The following CAPN2 variants were observed in gnomAD, a reference collection of about 807,000 sequenced individuals.
CAPN2 encodes calpain-2 catalytic subunit.
A neutral mutation model predicts 102.3 loss-of-function variants in CAPN2; 92 were observed. That is an observed-to-expected ratio of 0.90 (90% CI 0.76 to 1.07). CAPN2 has a LOEUF of 1.07. CAPN2 is among the 50% of genes least tolerant of loss of function. The pLI is 0.00. For synonymous variants in CAPN2, 340 were observed against 355.4 expected, an observed-to-expected ratio of 0.96 and a Z score of 0.49; for missense variants, 800 against 909.4, an observed-to-expected ratio of 0.88 and a Z score of 1.55.
At chr1:223,749,168 A>C (rs1660825584) in intron 6 of CAPN2, 46 bp downstream of exon 6, 2 of 1,526,978 alleles carry the variant, frequency 1.3e-6, no homozygotes, top group Admixed American at 1.7e-5. Context: ...TCCTGACACG[A>C]TGGCCACAGG....
chr1:223,762,366 A>G (rs1661210074), intron 14 of CAPN2, 115 bp downstream of exon 14: 1 of 841,112 alleles, frequency 1.2e-6, no homozygotes, highest in Admixed American at 2.1e-5. Flanking sequence ...GAACAAAAGC[A>G]AAGAGAAATT....
intron 14 of CAPN2, among the ~76,000 whole-genome samples, chr1:223,763,663 A>C (rs1225411013): frequency 2.0e-5 from 3 of 152,200 alleles, no homozygotes; most frequent in Non-Finnish European, 4.4e-5. Context: ...GATAAGAGGA[A>C]TGGTATAAGA....
At chr1:223,736,576 G>T (rs1040960201) in intron 2 of CAPN2, among the ~76,000 whole-genome samples, 3 of 152,166 alleles carry the variant, frequency 2.0e-5, no homozygotes, top group African/African-American at 7.2e-5. Flanking sequence ...TGCCCTGGGT[G>T]ATTTCCTTTC....
In CAPN2 at chr1:223,726,120, G is replaced by A. The variant is rs887464985; in HGVS notation, c.307+8289G>A. ...CAGCCCAAGCAAGACTAGTAGTTCA[G>A]CTTTGTGAATCCCCTCAGGAAGTCA... On this transcript the variant is annotated intron_variant, in intron 2 of 20. Coordinates refer to ENST00000295006, the MANE Select transcript of CAPN2 (RefSeq NM_001748.5). This position sits in a 1 kb window ranked among gnomAD's most constrained non-coding sequence, Gnocchi z 4.4. Among the ~76,000 whole-genome samples, 5 of 151,982 alleles carry A rather than the reference G, an allele frequency of 3.3e-5. No homozygotes were observed. The highest frequency in any genetic ancestry group is 7.4e-5 in the Non-Finnish European group (5 of 68,026).
intron 1 of CAPN2, among the ~76,000 whole-genome samples, chr1:223,705,387 C>T (rs1558376148): frequency 1.3e-5 from 2 of 152,296 alleles, no homozygotes; most frequent in African/African-American, 2.4e-5. Context: ...ACTACATCCT[C>T]GGAAGACTGA....
In CAPN2 at chr1:223,755,868, G is replaced by GC. The variant is rs1661023338; in HGVS notation, c.1305+225dup. On this transcript the variant is annotated intron_variant, in intron 10 of 20. Coordinates refer to ENST00000295006, the MANE Select transcript of CAPN2 (RefSeq NM_001748.5). This position sits in a 1 kb window ranked among gnomAD's most constrained non-coding sequence, Gnocchi z 4.1. ...GTGGGGCCTTCTAAGCCCTTCACGG[G>GC]CCCCCCACAGCCAGCCTGCAGGGAG... Among the ~76,000 whole-genome samples the GC allele has an allele frequency of 6.6e-6, 1 of 152,184 alleles. No individual in the cohort carries two copies. The highest frequency in any genetic ancestry group is 2.4e-5 in the African/African-American group (1 of 41,442).
Position 223,764,093 on chromosome 1 carries a change from G to A in CAPN2, c.1633-57G>A. The A allele has an allele frequency of 1.1e-5, 16 of 1,401,856 alleles. No individual in the cohort carries two copies. The South Asian group carries it at 1.7e-4, about 15-fold the overall frequency. The allele number at this position is 1,401,856 out of a possible 1,614,324, so 86.8% of individuals were successfully genotyped here. On this transcript the variant is annotated intron_variant, in intron 14 of 20. Coordinates refer to ENST00000295006, the MANE Select transcript of CAPN2 (RefSeq NM_001748.5). Reference sequence around the variant, plus strand: ...ACCTAATGCACTGGTGTCCTGCCCTGTGCTCATCCAGCTCCCACGGGGGGC... The same window carrying A: ...ACCTAATGCACTGGTGTCCTGCCCTATGCTCATCCAGCTCCCACGGGGGGC...
intron 13 of CAPN2, 175 bp downstream of exon 13, chr1:223,761,792 G>T (rs1016878671): frequency 1.7e-6 from 1 of 589,284 alleles, no homozygotes; most frequent in Admixed American, 2.9e-5. Context: ...CTCTGTGCTG[G>T]GGGCATGGGC....
rs1293188049 is a variant in CAPN2, at chr1:223,756,489, G to A, written c.1305+840G>A. ...GAGGTCCTTCAGCAGCCTGAAAAAT[G>A]GCCCTGGCAGGGACCTGTTTACACC... On this transcript the variant is annotated intron_variant, in intron 10 of 20. Coordinates refer to ENST00000295006, the MANE Select transcript of CAPN2 (RefSeq NM_001748.5). The surrounding 1 kb of genome is among the most constrained non-coding windows in gnomAD (Gnocchi z 4.1). 1.3e-5 allele frequency among the ~76,000 whole-genome samples: 2 copies of A among 152,158 alleles called. No individual in the cohort carries two copies. Among genetic ancestry groups the A allele is most frequent in the Admixed American group, 1.3e-4 (2 of 15,276 alleles).
intron 20 of CAPN2, among the ~76,000 whole-genome samples, chr1:223,773,559 G>A (rs1481053966): frequency 6.6e-6 from 1 of 152,156 alleles, no homozygotes; most frequent in Non-Finnish European, 1.5e-5. Flanking sequence ...CAGGCGTGGT[G>A]ACACATGCCT....
Position 223,744,194 on chromosome 1 carries a change from C to T in CAPN2, c.402C>T (p.Asn134=), listed in dbSNP as rs763362805. The T allele has an allele frequency of 3.1e-6, 5 of 1,613,070 alleles. No individual in the cohort carries two copies. The highest frequency in any genetic ancestry group is 2.2e-5 in the South Asian group (2 of 91,074). The change falls in exon 3 of 21, where the codon AAC becomes AAT. Residue 134 remains asparagine (N), a synonymous_variant. Transcript: ENST00000295006. ...CCCTAAACCAGAGCTTCCAGGAAAACTATGCAGGGATCTTTCACTTCCAGG... is the reference window on the plus strand; with the variant it reads ...CCCTAAACCAGAGCTTCCAGGAAAATTATGCAGGGATCTTTCACTTCCAGG... ...VVPLNQSFQE[N]YAGIFHFQFW... is the part of the protein sequence containing the mutation.
At chr1:223,741,121 G>A (rs1044600252) in intron 2 of CAPN2, among the ~76,000 whole-genome samples, 5 of 152,100 alleles carry the variant, frequency 3.3e-5, no homozygotes, top group Non-Finnish European at 7.4e-5. Flanking sequence ...CTCGGGGCCT[G>A]GCACACCTAA....
chr1:223,772,480 G>A, intron 20 of CAPN2: 1 of 492,522 alleles, frequency 2.0e-6, no homozygotes, highest in South Asian at 3.6e-5. Flanking sequence ...GCTTTGACTT[G>A]AGTGTAGCTC....
At chr1:223,762,371 G>C in intron 14 of CAPN2, 120 bp downstream of exon 14, 1 of 801,630 alleles carries the variant, frequency 1.2e-6, no homozygotes. Flanking sequence ...AAAGCAAAGA[G>C]AAATTGCAAA....
rs1333140494 is a variant in CAPN2, at chr1:223,726,188, AAGG to A, written c.307+8360_307+8362del. Among the ~76,000 whole-genome samples the A allele has an allele frequency of 2.0e-5, 3 of 152,186 alleles. No individual in the cohort carries two copies. Among genetic ancestry groups the A allele is most frequent in the African/African-American group, 7.2e-5 (3 of 41,450 alleles). On this transcript the variant is annotated intron_variant, in intron 2 of 20. Transcript: ENST00000295006. This position sits in a 1 kb window ranked among gnomAD's most constrained non-coding sequence, Gnocchi z 4.4. ...TTTGGGCTTCCTCCAGGAGCTAAGAAAGGAGAGTTCCTGAAGAGCAGGAATTTA... is the reference window on the plus strand; with the variant it reads ...TTTGGGCTTCCTCCAGGAGCTAAGAAAGAGTTCCTGAAGAGCAGGAATTTA...
chr1:223,770,417 T>C (rs773211505), intron 17 of CAPN2, 30 bp from the exon 18 acceptor site: 8 of 1,555,340 alleles, frequency 5.1e-6, no homozygotes, highest in Non-Finnish European at 6.2e-6. Context: ...CTTTGGGTCA[T>C]AGTTCTTACA....
At chr1:223,708,297 G>A (rs1431113831), upstream of CAPN2, among the ~76,000 whole-genome samples, 3 of 152,114 alleles carry the variant, frequency 2.0e-5, no homozygotes, top group African/African-American at 4.8e-5. Context: ...GATGGAGGAT[G>A]TCAAATAAAA....
At chr1:223,733,408 G>A (rs1660378134) in intron 2 of CAPN2, among the ~76,000 whole-genome samples, 1 of 152,204 alleles carries the variant, frequency 6.6e-6, no homozygotes, top group African/African-American at 2.4e-5. Flanking sequence ...CCTTCAGGAT[G>A]CAGACACCCA....
Position 223,712,703 on chromosome 1 carries a change from C to A in CAPN2, c.63C>A (p.His21Gln), listed in dbSNP as rs878902358. The change falls in exon 1 of 21, where the codon CAC becomes CAA. Residue 21 changes from histidine (H) to glutamine (Q), a missense_variant. His to Gln is a conservative substitution (Grantham distance 24, BLOSUM62 0). Transcript: ENST00000295006. ...DREAAEGLGSHDRAIKYLNQD... is the reference protein window; with the variant it reads ...DREAAEGLGSQDRAIKYLNQD... ...AGGCGGCCGAGGGGCTGGGCTCCCA[C>A]GACAGGGCCATCAAGTACCTCAACC... 4 of 1,579,166 alleles carry A rather than the reference C, an allele frequency of 2.5e-6. No individual in the cohort carries two copies. In the South Asian group the frequency reaches 3.5e-5, roughly 14 times the overall value.
Sources: allele counts gnomAD v4.1 joint callset (sites outside exome capture counted in the v4.1 genomes callset), GRCh38; gene constraint gnomAD v4.1.1; non-coding constraint Gnocchi (gnomAD v3.1); transcripts MANE v1.5; gene names NCBI Gene and HGNC (gene_info 2026-07-23, HGNC 2026-07-21).